The following FAP variants were observed in gnomAD, a reference collection of about 807,000 sequenced individuals.
FAP encodes the protein fibroblast activation protein alpha.
A neutral mutation model predicts 126.5 loss-of-function variants in FAP; 110 were observed. That is an observed-to-expected ratio of 0.87 (90% CI 0.74 to 1.02). FAP has a LOEUF of 1.02. FAP is among the 50% of genes least tolerant of loss of function. The pLI, the probability that FAP is intolerant of heterozygous loss-of-function variation, is 0.00. For synonymous variants in FAP, 334 were observed against 297.3 expected (o/e 1.12, Z -1.27); for missense variants, 919 against 909.2 (o/e 1.01, Z -0.14).
chr2:162,174,066 A>T (rs1483418917), intron 22 of FAP, among the ~76,000 whole-genome samples: 1 of 151,982 alleles, frequency 6.6e-6, no homozygotes, highest in Non-Finnish European at 1.5e-5. Context: ...TTTCACTTCT[A>T]CCCTCCTAGG....
chr2:162,173,075 G>T, intron 24 of FAP, 74 bp downstream of exon 24: 2 of 1,369,866 alleles, frequency 1.5e-6, no homozygotes, highest in Non-Finnish European at 2.1e-6. Flanking sequence ...GGCATAGGAG[G>T]ATGCTTAATG....
intron 22 of FAP, among the ~76,000 whole-genome samples, chr2:162,174,371 TTCCAAATAATCA>T (rs1472938021): frequency 7.2e-5 from 11 of 152,188 alleles, no homozygotes; most frequent in Admixed American, 7.2e-4. Context: ...TTAGAATTCC[TTCCAAATAATCA>T]TCCTGCATTG....
intron 22 of FAP, 97 bp from the exon 23 acceptor site, chr2:162,173,884 C>T: frequency 1.2e-6 from 1 of 860,714 alleles, no homozygotes; most frequent in Non-Finnish European, 2.0e-6. Flanking sequence ...TCTCAATTTT[C>T]CCATCTTGAG....
chr2:162,196,696 G>A (rs902502328), intron 16 of FAP, among the ~76,000 whole-genome samples: 3 of 152,032 alleles, frequency 2.0e-5, no homozygotes, highest in Non-Finnish European at 2.9e-5. Context: ...TATCATCTGG[G>A]ACTTACTAAC....
chr2:162,188,887 A>G (rs1036153329), intron 19 of FAP, among the ~76,000 whole-genome samples: 9 of 152,252 alleles, frequency 5.9e-5, no homozygotes, highest in Non-Finnish European at 1.0e-4. Flanking sequence ...GAAATTTAAC[A>G]CAGCAAATGC....
Position 162,192,776 on chromosome 2 carries a change from T to C in FAP, c.1450+1925A>G, listed in dbSNP as rs75370218. Among the ~76,000 whole-genome samples the C allele has an allele frequency of 3.8e-3, 579 of 152,238 alleles. 3 individuals are homozygous for C. Among genetic ancestry groups the C allele is most frequent in the Middle Eastern group, 0.01 (3 of 294 alleles). ...AACCTGATCTCCACAATGACTCCTC[T>C]ATTTCAGTAAAAAACCATTAGTATC... On this transcript the variant is annotated intron_variant, in intron 17 of 25. Transcript: ENST00000188790.
At chr2:162,219,039 C>T in intron 8 of FAP, 24 bp downstream of exon 8, 1 of 1,560,180 alleles carries the variant, frequency 6.4e-7, no homozygotes, top group Non-Finnish European at 8.7e-7. Flanking sequence ...AAAGCATTAG[C>T]AGTAGAAAAG....
chr2:162,217,860 G>A (rs1311785257), intron 9 of FAP, 126 bp downstream of exon 9: 3 of 651,154 alleles, frequency 4.6e-6, no homozygotes, highest in Non-Finnish European at 7.8e-6. Flanking sequence ...ACAGTACAAT[G>A]TTTGCCTTAC....
intron 7 of FAP, 97 bp downstream of exon 7, chr2:162,219,756 T>C (rs1689307052): frequency 8.6e-6 from 7 of 812,554 alleles, no homozygotes; most frequent in Non-Finnish European, 1.5e-5. Context: ...TGAATGTATT[T>C]TTTTTTCTTT....
chr2:162,213,830 G>T, intron 11 of FAP, 108 bp downstream of exon 11: 2 of 1,114,518 alleles, frequency 1.8e-6, no homozygotes, highest in Non-Finnish European at 2.5e-6. Context: ...GTTGGCAGTT[G>T]AATGCAGTAA....
intron 20 of FAP, among the ~76,000 whole-genome samples, chr2:162,185,244 A>G (rs1010548823): frequency 6.6e-6 from 1 of 152,184 alleles, no homozygotes; most frequent in African/African-American, 2.4e-5. Flanking sequence ...AAGTTGGCCC[A>G]AGGCCAAGGT....
chr2:162,223,311 C>T (rs1689492931), intron 6 of FAP, among the ~76,000 whole-genome samples: 1 of 151,984 alleles, frequency 6.6e-6, no homozygotes, highest in Non-Finnish European at 1.5e-5. Flanking sequence ...TTTGTGCTTT[C>T]CTATATATGT....
At chr2:162,231,011 A>C (rs1689877647) in intron 2 of FAP, among the ~76,000 whole-genome samples, 2 of 152,070 alleles carry the variant, frequency 1.3e-5, no homozygotes, top group African/African-American at 2.4e-5. Flanking sequence ...AAGGAATGTA[A>C]ATGGCCTCCT....
At chr2:162,196,558 ATGAC>A (rs1001097158) in intron 16 of FAP, among the ~76,000 whole-genome samples, 1 of 151,398 alleles carries the variant, frequency 6.6e-6, no homozygotes, top group Non-Finnish European at 1.5e-5. Context: ...AGACAGATAA[ATGAC>A]TGACTGTATT....
chr2:162,192,077 A>T (rs1046486762), intron 17 of FAP, among the ~76,000 whole-genome samples: 2 of 152,020 alleles, frequency 1.3e-5, no homozygotes, highest in Admixed American at 6.6e-5. Flanking sequence ...ACATCCACTC[A>T]TACTCAAATG....
intron 21 of FAP, among the ~76,000 whole-genome samples, chr2:162,178,296 G>C (rs1021008504): frequency 2.0e-5 from 3 of 152,138 alleles, no homozygotes; most frequent in Non-Finnish European, 4.4e-5. Flanking sequence ...CAAAACCCTC[G>C]CTGCTCTTCA....
intron 12 of FAP, among the ~76,000 whole-genome samples, chr2:162,204,300 A>G (rs769945994): frequency 6.6e-6 from 1 of 152,214 alleles, no homozygotes; most frequent in Non-Finnish European, 1.5e-5. Context: ...AATAATTATA[A>G]CTGTGTGACA....
intron 17 of FAP, among the ~76,000 whole-genome samples, chr2:162,191,135 C>T (rs949076125): frequency 3.9e-5 from 6 of 152,084 alleles, no homozygotes; most frequent in Non-Finnish European, 8.8e-5. Context: ...AGCACACAGA[C>T]TGGCTGATTG....
chr2:162,198,506 G>T, intron 16 of FAP: 1 of 691,344 alleles, frequency 1.4e-6, no homozygotes, highest in Non-Finnish European at 2.2e-6. Flanking sequence ...AGTCCTGGCT[G>T]ATGCTTAGCT....
Sources: gnomAD v4.1 joint callset for allele counts (sites outside exome capture counted in the v4.1 genomes callset) on GRCh38, gnomAD v4.1.1 for gene constraint, MANE v1.5 for transcripts, NCBI Gene and HGNC (gene_info 2026-07-23, HGNC 2026-07-21) for gene names.